Variants in SLC20A2 observed in about 807,000 individuals in gnomAD.
SLC20A2 encodes sodium-dependent phosphate transporter 2.
A neutral mutation model predicts 61.0 loss-of-function variants in SLC20A2; 30 were observed. That is an observed-to-expected ratio of 0.49 (90% confidence interval 0.37 to 0.67). The LOEUF (loss-of-function observed/expected upper bound fraction) is 0.67, where lower values mean the gene tolerates loss of function less well. Ranked by LOEUF, SLC20A2 falls within the 30% of genes least tolerant of loss-of-function variation. SLC20A2 has a pLI of 0.00. For synonymous variants in SLC20A2, 351 were observed against 353.3 expected (o/e 0.99, Z 0.07); for missense variants, 626 against 866.4 (o/e 0.72, Z 3.48).
chr8:42,436,135 C>T (rs905082184), intron 8 of SLC20A2, among the ~76,000 whole-genome samples: 54 of 151,758 alleles, frequency 3.6e-4, no homozygotes, highest in African/African-American at 1.2e-3. Flanking sequence ...AATTAAATCA[C>T]CTCCTAGGAA....
intron 1 of SLC20A2, among the ~76,000 whole-genome samples, chr8:42,488,180 C>CTTTTT (rs35200743): frequency 8.3e-4 from 72 of 87,012 alleles, no homozygotes; most frequent in East Asian, 2.6e-3. Context: ...AATAATACTG[C>CTTTTT]TTTTTTTTTT....
chr8:42,475,807 C>G (rs1808038495), intron 1 of SLC20A2, among the ~76,000 whole-genome samples: 1 of 149,724 alleles, frequency 6.7e-6, no homozygotes, highest in African/African-American at 2.4e-5. Context: ...ATGGCTTAGG[C>G]ATGAGATGAG....
intron 1 of SLC20A2, among the ~76,000 whole-genome samples, chr8:42,528,827 C>T (rs911082341): frequency 5.3e-5 from 8 of 151,782 alleles, no homozygotes; most frequent in African/African-American, 1.5e-4. Flanking sequence ...CCACCATGCC[C>T]GACTAATTTT....
chr8:42,465,551 C>G (rs899191183), intron 3 of SLC20A2, among the ~76,000 whole-genome samples: 1 of 151,406 alleles, frequency 6.6e-6, no homozygotes. Flanking sequence ...AATTAGCAGG[C>G]GTGGTAGGAG....
rs115932374 is a variant in SLC20A2, at chr8:42,439,491, G to C, written c.893C>G (p.Ser298Trp). ...TGAAGETLGT[S>W]EGTSAGSHPR... The stretch of plus-strand genomic sequence containing the variant: ...GTGGCTGCCCGCAGAAGTGCCTTCC[G>C]AGGTCCCCAGTGTCTCCCCTGCTGC... Residue 298 changes from serine to tryptophan, a missense_variant, in exon 7 of 11, where the codon TCG becomes TGG. Physicochemically the swap from Ser to Trp is radical, Grantham distance 177. This residue lies in a region of SLC20A2 where 361 missense variants were observed against 422.3 expected (regional missense o/e 0.85). Coordinates refer to ENST00000520262, the MANE Select transcript of SLC20A2 (RefSeq NM_001257180.2). The C allele has an allele frequency of 3.7e-6, 6 of 1,613,888 alleles. No homozygotes were observed. In the Admixed American group the frequency reaches 8.3e-5, roughly 22 times the overall value.
At chr8:42,529,579 C>CA (rs1328253969) in intron 1 of SLC20A2, among the ~76,000 whole-genome samples, 1 of 152,132 alleles carries the variant, frequency 6.6e-6, no homozygotes, top group Non-Finnish European at 1.5e-5. Flanking sequence ...CTCAGTTTCT[C>CA]AAAAAACATA....
At chr8:42,476,371 G>A (rs1266512943) in intron 1 of SLC20A2, among the ~76,000 whole-genome samples, 2 of 152,120 alleles carry the variant, frequency 1.3e-5, no homozygotes, top group Admixed American at 6.6e-5. Context: ...CCAAAGTGCT[G>A]GGATTACAGG....
In SLC20A2 at chr8:42,494,940, G is replaced by A. The variant is rs55698712; in HGVS notation, c.-265+6091C>T. Among the ~76,000 whole-genome samples, 112 of 151,978 alleles carry A rather than the reference G, an allele frequency of 7.4e-4. 1 individual carries two copies. Among genetic ancestry groups the A allele is most frequent in the Non-Finnish European group, 1.4e-3 (94 of 67,964 alleles). ...CGGCTCCCTGCAACCTCTGCCTCCC[G>A]GGTTCAAGCAATTCTCCTGCCTCAG... On this transcript the variant is annotated intron_variant, in intron 1 of 10. Transcript: ENST00000520262.
At chr8:42,476,544 A>T (rs1167279067) in intron 1 of SLC20A2, among the ~76,000 whole-genome samples, 1 of 152,188 alleles carries the variant, frequency 6.6e-6, no homozygotes, top group East Asian at 1.9e-4. Context: ...AGCGGCTGGC[A>T]CAAGCCCCGA....
At chr8:42,423,898 A>T (rs2130932943) in intron 10 of SLC20A2, among the ~76,000 whole-genome samples, 1 of 152,318 alleles carries the variant, frequency 6.6e-6, no homozygotes, top group Non-Finnish European at 1.5e-5. Flanking sequence ...ATAGCAAAAA[A>T]TTGTTGAGAA....
At chr8:42,503,899 G>A (rs895700642), upstream of SLC20A2, among the ~76,000 whole-genome samples, 2 of 152,106 alleles carry the variant, frequency 1.3e-5, no homozygotes, top group African/African-American at 2.4e-5. Flanking sequence ...GATGAAAAAC[G>A]CCTAGTTTTT....
rs1331718134 is a variant in SLC20A2, at chr8:42,417,122, T to C, written c.*681A>G. On this transcript the variant is annotated 3_prime_UTR_variant, in exon 11 of 11. Coordinates refer to ENST00000520262, the MANE Select transcript of SLC20A2 (RefSeq NM_001257180.2). The stretch of plus-strand genomic sequence containing the variant: ...CCTGCTTCTTTGGTACTTTCCAAAA[T>C]TCTCTGATCAAAAAAGTATAAGGGA... The C allele has an allele frequency of 5.9e-5, 9 of 152,734 alleles. No individual in the cohort carries two copies. The allele number at this position is 152,734 out of a possible 1,614,324, so 9.5% of individuals were successfully genotyped here.
At chr8:42,467,243 G>A (rs1032781850) in intron 2 of SLC20A2, among the ~76,000 whole-genome samples, 9 of 152,160 alleles carry the variant, frequency 5.9e-5, no homozygotes, top group African/African-American at 1.4e-4. Context: ...CTGATTCCTT[G>A]TTGTTAAGAG....
chr8:42,438,078 A>AC (rs1804475055), intron 7 of SLC20A2, among the ~76,000 whole-genome samples: 5 of 146,356 alleles, frequency 3.4e-5, no homozygotes, highest in African/African-American at 5.1e-5. Flanking sequence ...AAAAAAAAAA[A>AC]AAAAAAAAAA....
chr8:42,439,492 A>G lies in SLC20A2; in HGVS notation c.892T>C (p.Ser298Pro), dbSNP rs201448246. ...TGGCTGCCCGCAGAAGTGCCTTCCG[A>G]GGTCCCCAGTGTCTCCCCTGCTGCT... ...TGAAGETLGT[S>P]EGTSAGSHPR... The change falls in exon 7 of 11, where the codon TCG becomes CCG. Residue 298 changes from serine (S) to proline (P), a missense_variant. By Grantham distance (74) the Ser-to-Pro change is moderately conservative (BLOSUM62 -1). Coordinates refer to ENST00000520262, the MANE Select transcript of SLC20A2 (RefSeq NM_001257180.2). The G allele has an allele frequency of 1.4e-5, 23 of 1,613,938 alleles. No individual in the cohort carries two copies. The highest frequency in any genetic ancestry group is 4.2e-6 in the Non-Finnish European group (5 of 1,180,042).
At chr8:42,528,322 C>T (rs1021804965) in intron 1 of SLC20A2, among the ~76,000 whole-genome samples, 5 of 151,936 alleles carry the variant, frequency 3.3e-5, no homozygotes, top group African/African-American at 1.2e-4. Context: ...GTTAGCCGGG[C>T]GTAGTGGTGG....
At chr8:42,510,792 T>C (rs2131373308) in intron 1 of SLC20A2, among the ~76,000 whole-genome samples, 1 of 152,058 alleles carries the variant, frequency 6.6e-6, no homozygotes, top group South Asian at 2.1e-4. Context: ...ATCTACCTTC[T>C]AGGAATGTTG....
chr8:42,510,926 T>C (rs1810996820), intron 1 of SLC20A2, among the ~76,000 whole-genome samples: 1 of 151,888 alleles, frequency 6.6e-6, no homozygotes, highest in African/African-American at 2.4e-5. Context: ...ATATTTTATA[T>C]GTAAGCTATA....
intron 10 of SLC20A2, among the ~76,000 whole-genome samples, chr8:42,426,397 T>C (rs1803413829): frequency 1.3e-5 from 2 of 152,130 alleles, no homozygotes; most frequent in African/African-American, 4.8e-5. Context: ...TGTGCTGTTT[T>C]TTCAAAAGCT....
Sources: gnomAD v4.1 joint callset for allele counts (sites outside exome capture counted in the v4.1 genomes callset) on GRCh38, gnomAD v4.1.1 for gene constraint, gnomAD v4.1.1 regional missense constraint, MANE v1.5 for transcripts, NCBI Gene and HGNC (gene_info 2026-07-23, HGNC 2026-07-21) for gene names.